Variants in PGAP2 observed in about 807,000 individuals in gnomAD.
The protein encoded by PGAP2 is post-GPI attachment to proteins 2, also known as acyltransferase PGAP2.
PGAP2 carries 21 observed loss-of-function variants against 33.2 expected under a neutral mutation model. The ratio of observed to expected loss-of-function variants is 0.63; its 90% CI spans 0.45 to 0.91. PGAP2 has a LOEUF of 0.91. PGAP2 is among the 40% of genes least tolerant of loss of function. PGAP2 has a pLI of 0.00. For missense variants in PGAP2, 345 were observed against 424.0 expected, an observed-to-expected ratio of 0.81 and a Z score of 1.64; for synonymous variants, 161 against 172.9, an observed-to-expected ratio of 0.93 and a Z score of 0.54.
intron 1 of PGAP2, among the ~76,000 whole-genome samples, chr11:3,801,534 C>T (rs540238972): frequency 9.4e-5 from 14 of 148,284 alleles, no homozygotes; most frequent in African/African-American, 1.5e-4. Flanking sequence ...CCCAGCTATT[C>T]GGGAGGCTGA....
intron 1 of PGAP2, chr11:3,798,182 C>T: frequency 1.5e-6 from 2 of 1,333,362 alleles, no homozygotes; most frequent in Non-Finnish European, 1.9e-6. Context: ...CATGCTCGCC[C>T]CAGCACTTTC....
chr11:3,825,255 G>A, intron 6 of PGAP2, 73 bp from the exon 7 acceptor site: 6 of 1,572,630 alleles, frequency 3.8e-6, no homozygotes, highest in Non-Finnish European at 5.2e-6. Context: ...CAATGGTGGT[G>A]TGATTTATCA....
At position 3,822,683 on chromosome 11, in the gene PGAP2, T is replaced by C. The variant is rs79389542; in HGVS notation, c.349-1200T>C. Among the ~76,000 whole-genome samples the C allele has an allele frequency of 2.6e-3, 401 of 152,232 alleles. 1 individual carries two copies. The highest frequency in any genetic ancestry group is 9.4e-3 in the African/African-American group (392 of 41,542). Reference sequence around the variant, plus strand: ...AAATTAAAAAATGCAGATCCTCAGGTTCCAAGCCTTCTGCATTTTCAAACA... The same window carrying C: ...AAATTAAAAAATGCAGATCCTCAGGCTCCAAGCCTTCTGCATTTTCAAACA... On this transcript the variant is annotated intron_variant, in intron 3 of 6. Transcript: ENST00000278243.
rs1451302307 is a variant in PGAP2, at chr11:3,803,423, G to A, written c.140-4871G>A. ...ATCACAGGCGTGAGCCACCGCACCC[G>A]GCCATTTTTGTTTTGTTTTTTTGAG... is the stretch of plus-strand genomic sequence containing the variant. On this transcript the variant is annotated intron_variant, in intron 1 of 6. Coordinates refer to the PGAP2 transcript ENST00000300730. 6.0e-5 allele frequency among the ~76,000 whole-genome samples: 9 copies of A among 149,506 alleles called. No homozygotes were observed. In the East Asian group the frequency reaches 1.2e-3, roughly 20 times the overall value.
At position 3,823,024 on chromosome 11, in the gene PGAP2, C is replaced by CTTTTTT. The variant is rs746736798; in HGVS notation, c.349-834_349-829dup. On this transcript the variant is annotated intron_variant, in intron 3 of 6. Transcript: ENST00000278243. ...GAGCACCCACTTTCTTTTTTCTTTT[C>CTTTTTT]TTTTTTTTTTTTTTTTTTTTTTTTT... is the stretch of plus-strand genomic sequence containing the variant. The CTTTTTT allele has an allele frequency of 8.4e-3, 2,580 of 307,214 alleles. 20 individuals carry two copies. Among genetic ancestry groups the CTTTTTT allele is most frequent in the South Asian group, 0.018 (516 of 28,788 alleles). 19.0% of individuals were successfully genotyped at this position (307,214 alleles called of 1,614,324 possible). A position where few individuals can be genotyped will look rare whatever the true frequency, so the allele number is the denominator to read the frequency against.
intron 3 of PGAP2, among the ~76,000 whole-genome samples, chr11:3,818,594 C>T (rs1462086227): frequency 6.6e-6 from 1 of 152,202 alleles, no homozygotes; most frequent in Non-Finnish European, 1.5e-5. Context: ...CTGGCAGCCC[C>T]AGGCCCCACC....
intron 3 of PGAP2, among the ~76,000 whole-genome samples, chr11:3,822,350 T>C (rs1449776637): frequency 2.0e-5 from 3 of 151,240 alleles, no homozygotes; most frequent in African/African-American, 7.3e-5. Flanking sequence ...GGCGACAGTG[T>C]GAGACTCCGT....
intron 3 of PGAP2, among the ~76,000 whole-genome samples, chr11:3,819,096 G>A (rs571786419): frequency 2.0e-5 from 3 of 152,216 alleles, no homozygotes; most frequent in East Asian, 1.9e-4. Context: ...TCTCCCAGGC[G>A]GGAGTACAGT....
At chr11:3,815,640 G>A (rs61899361) in intron 2 of PGAP2, among the ~76,000 whole-genome samples, 14,134 of 152,250 alleles carry the variant, frequency 0.093, 900 homozygotes, top group Middle Eastern at 0.16. Context: ...GTTTGTCACT[G>A]TTCTCTGCTG....
At chr11:3,820,274 T>C (rs1315452887) in intron 3 of PGAP2, among the ~76,000 whole-genome samples, 3 of 152,254 alleles carry the variant, frequency 2.0e-5, no homozygotes, top group Non-Finnish European at 4.4e-5. Context: ...TGTGGCCATG[T>C]AGCTCACAGC....
At chr11:3,800,104 T>TTAAAC (rs1202513387) in intron 1 of PGAP2, among the ~76,000 whole-genome samples, 13 of 152,146 alleles carry the variant, frequency 8.5e-5, no homozygotes, top group African/African-American at 3.1e-4. Flanking sequence ...TAAAGTTACT[T>TTAAAC]TAAACAACTG....
intron 1 of PGAP2, among the ~76,000 whole-genome samples, chr11:3,800,788 G>A (rs546721465): frequency 1.1e-4 from 16 of 145,648 alleles, no homozygotes; most frequent in Non-Finnish European, 2.1e-4. Flanking sequence ...CTCGATCCTG[G>A]GCCACAGAGT....
At chr11:3,821,630 C>T (rs1388954788) in intron 3 of PGAP2, among the ~76,000 whole-genome samples, 2 of 151,992 alleles carry the variant, frequency 1.3e-5, no homozygotes, top group South Asian at 2.1e-4. Context: ...TGGCAGCAGG[C>T]GCCTGTAATC....
intron 3 of PGAP2, among the ~76,000 whole-genome samples, chr11:3,822,590 T>C (rs2089060494): frequency 6.7e-6 from 1 of 149,642 alleles, no homozygotes; most frequent in Non-Finnish European, 1.5e-5. Context: ...GTCATGATCA[T>C]GCTATTGCAC....
At chr11:3,798,140 G>A in intron 1 of PGAP2, 1 of 1,443,972 alleles carries the variant, frequency 6.9e-7, no homozygotes, top group East Asian at 2.6e-5. Context: ...CTTCTTCAGG[G>A]CCCTAAATCC....
chr11:3,799,971 GA>G (rs946091124), intron 1 of PGAP2, among the ~76,000 whole-genome samples: 7 of 151,836 alleles, frequency 4.6e-5, no homozygotes, highest in Non-Finnish European at 8.8e-5. Flanking sequence ...CCGACTGGGG[GA>G]AAAAAAAGGT....
At chr11:3,801,890 AGCCAAGAT>A (rs1432303358) in intron 1 of PGAP2, among the ~76,000 whole-genome samples, 65 of 152,188 alleles carry the variant, frequency 4.3e-4, no homozygotes, top group Non-Finnish European at 1.8e-4. Context: ...GGTTGCAGTG[AGCCAAGAT>A]TGCACCACCA....
At chr11:3,819,326 A>AG (rs2087931811) in intron 3 of PGAP2, among the ~76,000 whole-genome samples, 1 of 152,126 alleles carries the variant, frequency 6.6e-6, no homozygotes, top group Non-Finnish European at 1.5e-5. Flanking sequence ...CTTTAAGGTC[A>AG]GGGGCAAGAG....
At chr11:3,821,714 C>T (rs911443090) in intron 3 of PGAP2, among the ~76,000 whole-genome samples, 4 of 150,768 alleles carry the variant, frequency 2.7e-5, no homozygotes, top group East Asian at 3.9e-4. Flanking sequence ...GCCAAAATTG[C>T]GCCACTGCAC....
Sources: gnomAD v4.1 joint callset for allele counts (sites outside exome capture counted in the v4.1 genomes callset) on GRCh38, gnomAD v4.1.1 for gene constraint, MANE v1.5 for transcripts, NCBI Gene and HGNC (gene_info 2026-07-23, HGNC 2026-07-21) for gene names.